The following CDH8 variants were observed in gnomAD, a reference collection of about 807,000 sequenced individuals.
The protein encoded by CDH8 is cadherin-8.
In CDH8, 17 loss-of-function variants were observed where a neutral mutation model predicts 68.1. The ratio of observed to expected loss-of-function variants is 0.25; its 90% CI spans 0.17 to 0.37. The LOEUF is 0.37. Among genes scored for constraint, CDH8 ranks in the 10% least tolerant of loss-of-function variants. CDH8 has a pLI of 1.00. For missense variants in CDH8, 763 were observed against 999.3 expected (o/e 0.76, Z 3.19); for synonymous variants, 372 against 365.1 (o/e 1.02, Z -0.21).
chr16:61,732,198 C>G (rs558067525), intron 8 of CDH8, among the ~76,000 whole-genome samples: 2 of 151,626 alleles, frequency 1.3e-5, no homozygotes, highest in South Asian at 4.2e-4. Context: ...AAAAAATGAA[C>G]AAATAATTCC....
At chr16:61,903,139 A>G (rs1964006851) in intron 2 of CDH8, among the ~76,000 whole-genome samples, 1 of 152,238 alleles carries the variant, frequency 6.6e-6, no homozygotes, top group South Asian at 2.1e-4. Context: ...ATTAACAAAT[A>G]AACTATTACA....
At chr16:61,953,900 T>TATAC (rs1964937536) in intron 2 of CDH8, among the ~76,000 whole-genome samples, 1 of 63,152 alleles carries the variant, frequency 1.6e-5, no homozygotes. Context: ...AAACTTTATA[T>TATAC]ATATATATAT....
At chr16:61,865,389 G>A (rs1963235246) in intron 3 of CDH8, among the ~76,000 whole-genome samples, 1 of 152,202 alleles carries the variant, frequency 6.6e-6, no homozygotes, top group African/African-American at 2.4e-5. Flanking sequence ...TTTAGAAAAT[G>A]TGTTTGAGCA....
At chr16:61,690,380 A>C (rs1409643519) in intron 10 of CDH8, among the ~76,000 whole-genome samples, 1 of 152,076 alleles carries the variant, frequency 6.6e-6, no homozygotes, top group Non-Finnish European at 1.5e-5. Flanking sequence ...CCCTCTTGCT[A>C]AATGTGTTTT....
chr16:61,720,638 C>T (rs1959210076), intron 9 of CDH8, among the ~76,000 whole-genome samples: 1 of 150,752 alleles, frequency 6.6e-6, no homozygotes, highest in Non-Finnish European at 1.5e-5. Context: ...TATGATGATT[C>T]CAGCTAATTT....
At chr16:61,988,761 G>T (rs991685190) in intron 2 of CDH8, among the ~76,000 whole-genome samples, 5 of 152,104 alleles carry the variant, frequency 3.3e-5, no homozygotes, top group Admixed American at 3.3e-4. Flanking sequence ...TAAATAATAA[G>T]TGAATCCTTT....
At chr16:61,875,851 A>C (rs1953700713) in intron 3 of CDH8, among the ~76,000 whole-genome samples, 1 of 152,092 alleles carries the variant, frequency 6.6e-6, no homozygotes, top group Admixed American at 6.6e-5. Context: ...TATTGTGACC[A>C]AAATAGTTAG....
At chr16:61,710,811 A>G (rs1258736706) in intron 10 of CDH8, 1 of 151,982 alleles carries the variant, frequency 6.6e-6, no homozygotes, top group East Asian at 1.9e-4. Context: ...TTTCCTGCAA[A>G]CAAGATATTT....
intron 8 of CDH8, among the ~76,000 whole-genome samples, chr16:61,789,127 A>C (rs2142994169): frequency 6.6e-6 from 1 of 152,234 alleles, no homozygotes; most frequent in Middle Eastern, 3.4e-3. Context: ...AATGGATATA[A>C]GAATGTTTCC....
At chr16:61,739,915 A>ATATATATATATATATATATATATAT (rs373723105) in intron 8 of CDH8, among the ~76,000 whole-genome samples, 1 of 109,580 alleles carries the variant, frequency 9.1e-6, no homozygotes, top group Non-Finnish European at 1.8e-5. Context: ...ATATATATGT[A>ATATATATATATATATATATATATAT]TTTTTTTTTT....
At chr16:61,770,732 A>C (rs1009573039) in intron 8 of CDH8, among the ~76,000 whole-genome samples, 2 of 151,830 alleles carry the variant, frequency 1.3e-5, no homozygotes, top group African/African-American at 2.4e-5. Flanking sequence ...TCTTCCTCCT[A>C]TCTGTGGTTT....
At chr16:61,748,110 T>C (rs74023236) in intron 8 of CDH8, among the ~76,000 whole-genome samples, 1,821 of 152,096 alleles carry the variant, frequency 0.012, 43 homozygotes, top group African/African-American at 0.041. Context: ...GTCCAAGCTC[T>C]GTGTATTCTT....
chr16:61,667,187 C>T (rs1182660907), intron 10 of CDH8: 1 of 151,874 alleles, frequency 6.6e-6, no homozygotes, highest in African/African-American at 2.4e-5. Flanking sequence ...TCTGTCATGC[C>T]ACCTGATGTC....
intron 3 of CDH8, among the ~76,000 whole-genome samples, chr16:61,865,423 T>C (rs888052360): frequency 1.3e-5 from 2 of 152,196 alleles, no homozygotes; most frequent in South Asian, 4.1e-4. Context: ...TATTCACCCA[T>C]GCATCATTCC....
chr16:61,998,398 C>T (rs1965842112), intron 2 of CDH8, among the ~76,000 whole-genome samples: 1 of 152,036 alleles, frequency 6.6e-6, no homozygotes, highest in South Asian at 2.1e-4. Context: ...AATGGAGATT[C>T]AAAGAGATCA....
At chr16:61,827,788 C>T (rs1011769117) in intron 4 of CDH8, among the ~76,000 whole-genome samples, 8 of 151,750 alleles carry the variant, frequency 5.3e-5, no homozygotes, top group African/African-American at 1.9e-4. Flanking sequence ...TTGAACAACA[C>T]GGGAGGTAAG....
chr16:62,030,197 G>A (rs1362636960), intron 1 of CDH8, among the ~76,000 whole-genome samples: 2 of 152,102 alleles, frequency 1.3e-5, no homozygotes, highest in African/African-American at 4.8e-5. Context: ...GCAATTATTT[G>A]ACAAAAATAC....
chr16:61,701,221 T>C (rs747393184), intron 10 of CDH8, among the ~76,000 whole-genome samples: 5 of 152,180 alleles, frequency 3.3e-5, no homozygotes, highest in Non-Finnish European at 7.4e-5. Context: ...TTGAAGTCCC[T>C]ACTTTGTTCT....
intron 9 of CDH8, among the ~76,000 whole-genome samples, chr16:61,715,167 G>A (rs1021646195): frequency 6.6e-6 from 1 of 151,484 alleles, no homozygotes; most frequent in African/African-American, 2.4e-5. Flanking sequence ...TACTTTGTAA[G>A]TGTTTGATTT....
Sources: gnomAD v4.1 joint callset for allele counts (sites outside exome capture counted in the v4.1 genomes callset) on GRCh38, gnomAD v4.1.1 for gene constraint, MANE v1.5 for transcripts, NCBI Gene and HGNC (gene_info 2026-07-23, HGNC 2026-07-21) for gene names.